FAM227B: variants seen among roughly 807,000 people sequenced by gnomAD.
FAM227B encodes the protein protein FAM227B.
Under a neutral mutation model 73.8 loss-of-function variants are expected in FAM227B, and 88 were observed. The ratio of observed to expected loss-of-function variants is 1.19; its 90% confidence interval spans 1.00 to 1.42. The LOEUF (loss-of-function observed/expected upper bound fraction) is 1.42. FAM227B is among the 40% of genes most tolerant of loss of function. The pLI, the probability that FAM227B is intolerant of heterozygous loss-of-function variation, is 0.00. For missense variants in FAM227B, 632 were observed against 590.9 expected (o/e 1.07, Z -0.72); for synonymous variants, 210 against 190.5 (o/e 1.10, Z -0.84).
intron 3 of FAM227B, among the ~76,000 whole-genome samples, chr15:49,592,416 A>G (rs2076635577): frequency 1.3e-5 from 2 of 152,188 alleles, no homozygotes; most frequent in Admixed American, 6.5e-5. Flanking sequence ...TCTTCTAACA[A>G]TCAGGTCCCT....
chr15:49,499,399 A>G (rs2057948428), intron 11 of FAM227B, among the ~76,000 whole-genome samples: 1 of 152,130 alleles, frequency 6.6e-6, no homozygotes, highest in Non-Finnish European at 1.5e-5. Flanking sequence ...GAGAAAAATT[A>G]AAGAAGTATT....
chr15:49,387,632 C>A (rs1466935173), intron 11 of FAM227B, among the ~76,000 whole-genome samples: 1 of 151,682 alleles, frequency 6.6e-6, no homozygotes, highest in East Asian at 1.9e-4. Flanking sequence ...CTATCCAGAC[C>A]AATCAGGCAA....
At chr15:49,537,610 G>A (rs999892340) in intron 10 of FAM227B, among the ~76,000 whole-genome samples, 2 of 152,146 alleles carry the variant, frequency 1.3e-5, no homozygotes, top group Admixed American at 6.6e-5. Flanking sequence ...AAGGGTATCT[G>A]CACTCCCATG....
intron 5 of FAM227B, among the ~76,000 whole-genome samples, chr15:49,585,300 T>C (rs1316909664): frequency 6.6e-6 from 1 of 152,206 alleles, no homozygotes; most frequent in Non-Finnish European, 1.5e-5. Flanking sequence ...CTCAGAGATC[T>C]AGAACTGGAA....
At chr15:49,369,132 T>TTTA (rs1555457786) in intron 12 of FAM227B, among the ~76,000 whole-genome samples, 2 of 151,786 alleles carry the variant, frequency 1.3e-5, no homozygotes, top group Non-Finnish European at 2.9e-5. Context: ...CTAATTTTTT[T>TTTA]ATTTTTAGTA....
At position 49,520,562 on chromosome 15, in the gene FAM227B, G is replaced by C. The variant is rs577389579; in HGVS notation, c.875-12214C>G. Among the ~76,000 whole-genome samples the C allele has an allele frequency of 5.3e-5, 8 of 152,286 alleles. No individual in the cohort carries two copies. The South Asian group carries it at 1.7e-3, about 32-fold the overall frequency. On this transcript the variant is annotated intron_variant, in intron 10 of 15. Coordinates refer to ENST00000299338, the MANE Select transcript of FAM227B (RefSeq NM_152647.3). ...GTAATTAAACTCACAGTTTCACATA[G>C]CCAGGGAGACCTCACAATCATGGTG...
At chr15:49,340,526 C>T (rs1371975541) in intron 13 of FAM227B, among the ~76,000 whole-genome samples, 1 of 151,912 alleles carries the variant, frequency 6.6e-6, no homozygotes, top group Non-Finnish European at 1.5e-5. Context: ...TCTTCTGTGT[C>T]AATCTTGCTG....
chr15:49,400,747 G>A (rs2048077775), intron 11 of FAM227B, among the ~76,000 whole-genome samples: 1 of 150,942 alleles, frequency 6.6e-6, no homozygotes, highest in African/African-American at 2.4e-5. Context: ...ACAAGGAATG[G>A]GGAAAGGATT....
At chr15:49,529,465 A>G (rs2060452973) in intron 10 of FAM227B, among the ~76,000 whole-genome samples, 1 of 151,688 alleles carries the variant, frequency 6.6e-6, no homozygotes, top group Non-Finnish European at 1.5e-5. Context: ...ACCTGCATCA[A>G]AAATAATCTA....
intron 3 of FAM227B, among the ~76,000 whole-genome samples, chr15:49,591,845 C>T (rs1438645288): frequency 6.6e-6 from 1 of 152,152 alleles, no homozygotes; most frequent in Non-Finnish European, 1.5e-5. Flanking sequence ...CATGCACACA[C>T]ACAAAGAAAA....
intron 10 of FAM227B, among the ~76,000 whole-genome samples, chr15:49,519,069 T>C: frequency 6.6e-6 from 1 of 152,248 alleles, no homozygotes; most frequent in South Asian, 2.1e-4. Flanking sequence ...ACAGGCCCCA[T>C]GCAAGTCTGA....
intron 11 of FAM227B, among the ~76,000 whole-genome samples, chr15:49,466,888 C>A (rs896839681): frequency 6.6e-6 from 1 of 152,116 alleles, no homozygotes; most frequent in African/African-American, 2.4e-5. Context: ...ATATTAACTA[C>A]TCCACATAAG....
intron 13 of FAM227B, among the ~76,000 whole-genome samples, chr15:49,361,673 T>C (rs2044264828): frequency 6.6e-6 from 1 of 152,104 alleles, no homozygotes; most frequent in South Asian, 2.1e-4. Flanking sequence ...GAATTCCTTA[T>C]CTTTACTATT....
chr15:49,461,565 G>A (rs576750243), intron 11 of FAM227B, among the ~76,000 whole-genome samples: 90 of 152,188 alleles, frequency 5.9e-4, no homozygotes, highest in East Asian at 9.7e-4. Flanking sequence ...AAAGAGCCAC[G>A]TACTTCTGTT....
intron 11 of FAM227B, among the ~76,000 whole-genome samples, chr15:49,503,794 A>G (rs546922641): frequency 2.0e-5 from 3 of 152,284 alleles, no homozygotes; most frequent in South Asian, 4.1e-4. Flanking sequence ...TAGAGAGGAT[A>G]TGGAGAAATA....
intron 11 of FAM227B, among the ~76,000 whole-genome samples, chr15:49,493,747 C>T (rs1313040237): frequency 6.6e-6 from 1 of 151,874 alleles, no homozygotes; most frequent in Non-Finnish European, 1.5e-5. Context: ...ACCTGTGTGT[C>T]TATCTATCCA....
chr15:49,483,469 A>C (rs1420273337), intron 11 of FAM227B, among the ~76,000 whole-genome samples: 1 of 152,084 alleles, frequency 6.6e-6, no homozygotes, highest in Non-Finnish European at 1.5e-5. Context: ...CTTCATCTGT[A>C]AAATGAGTTG....
intron 9 of FAM227B, among the ~76,000 whole-genome samples, chr15:49,550,211 A>AC (rs1197140423): frequency 1.8e-5 from 2 of 112,622 alleles, no homozygotes; most frequent in African/African-American, 7.1e-5. Flanking sequence ...CGGGGGGCTG[A>AC]CCCCCCCACC....
intron 11 of FAM227B, among the ~76,000 whole-genome samples, chr15:49,376,366 C>T (rs763136975): frequency 6.6e-6 from 1 of 152,004 alleles, no homozygotes; most frequent in Non-Finnish European, 1.5e-5. Flanking sequence ...CACAGCAGTG[C>T]TGAAAAAATC....
Sources: allele counts gnomAD v4.1 joint callset (sites outside exome capture counted in the v4.1 genomes callset), GRCh38; gene constraint gnomAD v4.1.1; transcripts MANE v1.5; gene names NCBI Gene and HGNC (gene_info 2026-07-23, HGNC 2026-07-21).